The following SLC36A4 variants were observed in gnomAD, a reference collection of about 807,000 sequenced individuals.
SLC36A4 encodes neutral amino acid uniporter 4.
In SLC36A4, 49 loss-of-function variants were observed where a neutral mutation model predicts 50.5. That is an observed-to-expected ratio of 0.97 (90% confidence interval 0.77 to 1.23). The LOEUF (loss-of-function observed/expected upper bound fraction) is 1.23. Ranked by LOEUF, SLC36A4 falls within the 50% of genes most tolerant of loss-of-function variation. The pLI is 0.00. For synonymous variants in SLC36A4, 207 were observed against 206.5 expected (o/e 1.00, Z -0.02); for missense variants, 611 against 608.4 (o/e 1.00, Z -0.05).
intron 2 of SLC36A4, chr11:93,185,427 T>A (rs2056914431): frequency 3.6e-6 from 1 of 275,248 alleles, no homozygotes; most frequent in Non-Finnish European, 6.7e-6. Context: ...ATCACTTCTC[T>A]TAACATTCCT....
At chr11:93,195,895 C>T (rs1276548586) in intron 1 of SLC36A4, among the ~76,000 whole-genome samples, 2 of 152,184 alleles carry the variant, frequency 1.3e-5, no homozygotes, top group African/African-American at 4.8e-5. Context: ...AGCCCCCACC[C>T]TCATTCCTGA....
Position 93,168,167 on chromosome 11 carries a change from T to G in SLC36A4, c.545A>C (p.His182Pro). 1 of 1,595,584 alleles carries G rather than the reference T, an allele frequency of 6.3e-7. No homozygotes were observed. Among genetic ancestry groups the G allele is most frequent in the Non-Finnish European group, 8.6e-7 (1 of 1,168,844 alleles). The change falls in exon 7 of 11, where the codon CAT becomes CCT. Residue 182 changes from histidine (H) to proline (P), a missense_variant. By Grantham distance (77) the His-to-Pro change is moderately conservative (BLOSUM62 -2). Transcript: ENST00000326402. The part of the protein sequence containing the change: ...VFLAENVKQV[H>P]EGFLESKVFI... Reference sequence around the variant, plus strand: ...CACTTTACTCTCCAGGAATCCTTCATGAACCTACATAGGATTACCAGGAGA... The same window carrying G: ...CACTTTACTCTCCAGGAATCCTTCAGGAACCTACATAGGATTACCAGGAGA...
chr11:93,195,069 C>T (rs937793875), intron 1 of SLC36A4, among the ~76,000 whole-genome samples: 1 of 151,652 alleles, frequency 6.6e-6, no homozygotes, highest in East Asian at 1.9e-4. Context: ...CACAACATGA[C>T]AGCTGGCTTC....
chr11:93,150,628 A>G (rs1436255803), intron 10 of SLC36A4, among the ~76,000 whole-genome samples: 1 of 152,086 alleles, frequency 6.6e-6, no homozygotes, highest in Non-Finnish European at 1.5e-5. Context: ...AGAAATAACT[A>G]GCTCTAAAGA....
At chr11:93,189,847 G>A (rs1862140936) in intron 1 of SLC36A4, among the ~76,000 whole-genome samples, 2 of 152,064 alleles carry the variant, frequency 1.3e-5, no homozygotes, top group South Asian at 4.1e-4. Context: ...ATGTTTATTT[G>A]TAATGGCATT....
chr11:93,197,764 C>A lies in SLC36A4; in HGVS notation c.55+14G>T, dbSNP rs757840544. 1.4e-5 allele frequency: 23 copies of A among 1,589,348 alleles called. No individual in the cohort carries two copies. Among genetic ancestry groups the A allele is most frequent in the Non-Finnish European group, 2.0e-5 (23 of 1,174,470 alleles). ...CACGTCAGCCCCGGCTCCCTGCCCA[C>A]GCACAACACCGACCTAGCTCCTCGC... On this transcript the variant is annotated intron_variant, in intron 1 of 10. Coordinates refer to ENST00000326402, the MANE Select transcript of SLC36A4 (RefSeq NM_152313.4).
chr11:93,165,912 T>C lies in SLC36A4; in HGVS notation c.867+6A>G. 7 of 1,555,446 alleles carry C rather than the reference T, an allele frequency of 4.5e-6. No homozygotes were observed. The highest frequency in any genetic ancestry group is 6.1e-6 in the Non-Finnish European group (7 of 1,139,230). On this transcript the variant is annotated splice_donor_region_variant and intron_variant, in intron 8 of 10. Coordinates refer to ENST00000326402, the MANE Select transcript of SLC36A4 (RefSeq NM_152313.4). Reference sequence around the variant, plus strand: ...TAAAAAATAATAATAAAGACTAAATTCTTACCACTCCTATGCCTTCAAAAG... The same window carrying C: ...TAAAAAATAATAATAAAGACTAAATCCTTACCACTCCTATGCCTTCAAAAG...
chr11:93,190,908 T>C lies in SLC36A4; in HGVS notation c.56-5094A>G, dbSNP rs117163605. On this transcript the variant is annotated intron_variant, in intron 1 of 10. Transcript: ENST00000326402. The stretch of plus-strand genomic sequence containing the variant: ...TAGTATACAGAGAGGTAACATTACA[T>C]ACTAAAAAATGTTTATCTGTTAAAC... Among the ~76,000 whole-genome samples, 15 of 152,144 alleles carry C rather than the reference T, an allele frequency of 9.9e-5. No homozygotes were observed. In the East Asian group the frequency reaches 2.5e-3, roughly 25 times the overall value.
At chr11:93,160,950 C>T (rs960893363) in intron 9 of SLC36A4, 3 of 176,900 alleles carry the variant, frequency 1.7e-5, no homozygotes, top group African/African-American at 7.2e-5. Flanking sequence ...AAGTGATCCT[C>T]CCACTCAGCC....
At chr11:93,176,301 G>A (rs1169847865) in intron 6 of SLC36A4, among the ~76,000 whole-genome samples, 2 of 149,690 alleles carry the variant, frequency 1.3e-5, no homozygotes, top group Non-Finnish European at 3.0e-5. Flanking sequence ...CATTTGCTTG[G>A]TAGATCTTCC....
chr11:93,169,356 T>C (rs1210220847), intron 6 of SLC36A4, among the ~76,000 whole-genome samples: 2 of 152,074 alleles, frequency 1.3e-5, no homozygotes, highest in Non-Finnish European at 2.9e-5. Flanking sequence ...AACCTAAGCC[T>C]GTGACTCTAG....
In SLC36A4 at chr11:93,162,895, C is replaced by CT. The variant is rs755480809; in HGVS notation, c.868-21dup. On this transcript the variant is annotated intron_variant, in intron 8 of 10. Coordinates refer to ENST00000326402, the MANE Select transcript of SLC36A4 (RefSeq NM_152313.4). ...AAGGACCTAAGAAAAGAATACAATA[C>CT]TTTTTTTTAAGGGAATACAAGTATT... The CT allele has an allele frequency of 3.9e-5, 62 of 1,602,422 alleles. No individual in the cohort carries two copies. The South Asian group carries it at 4.7e-4, about 12-fold the overall frequency.
At position 93,181,805 on chromosome 11, in the gene SLC36A4, C is replaced by A. The variant is rs192990733; in HGVS notation, c.360-19G>T. ...TTTAAACCTGTAATTTAATGACATA[C>A]ATACAAAGGAAAAAAGAAAAATTTT... On this transcript the variant is annotated intron_variant, in intron 4 of 10. Coordinates refer to ENST00000326402, the MANE Select transcript of SLC36A4 (RefSeq NM_152313.4). 2 of 1,526,868 alleles carry A rather than the reference C, an allele frequency of 1.3e-6. No homozygotes were observed. Among genetic ancestry groups the A allele is most frequent in the South Asian group, 2.6e-5 (2 of 77,588 alleles). The allele number at this position is 1,526,868 out of a possible 1,614,324, so 94.6% of individuals were successfully genotyped here.
Position 93,177,246 on chromosome 11 carries a change from C to A in SLC36A4, c.540+3551G>T, listed in dbSNP as rs1046794431. 2.0e-5 allele frequency among the ~76,000 whole-genome samples: 3 copies of A among 152,314 alleles called. No individual in the cohort carries two copies. The South Asian group carries it at 6.2e-4, about 32-fold the overall frequency. On this transcript the variant is annotated intron_variant, in intron 6 of 10. Transcript: ENST00000326402. Reference sequence around the variant, plus strand: ...TTCTTCCACTTGATTGAATCAGCTACTGAAGCTTGTGAATGTGTCACGTAG... The same window carrying A: ...TTCTTCCACTTGATTGAATCAGCTAATGAAGCTTGTGAATGTGTCACGTAG...
At chr11:93,178,135 G>A (rs765956085) in intron 6 of SLC36A4, among the ~76,000 whole-genome samples, 29 of 151,920 alleles carry the variant, frequency 1.9e-4, no homozygotes, top group African/African-American at 6.0e-4. Flanking sequence ...CTGTGCTAGT[G>A]AGCACTGCTA....
At chr11:93,192,832 C>T (rs1263412117) in intron 1 of SLC36A4, among the ~76,000 whole-genome samples, 1 of 152,114 alleles carries the variant, frequency 6.6e-6, no homozygotes, top group Non-Finnish European at 1.5e-5. Flanking sequence ...ATCTGATTTA[C>T]ATTTTAACCA....
At chr11:93,158,802 A>G (rs1860481742) in intron 9 of SLC36A4, among the ~76,000 whole-genome samples, 1 of 152,130 alleles carries the variant, frequency 6.6e-6, no homozygotes, top group African/African-American at 2.4e-5. Context: ...TTAGAAATGA[A>G]GAACATTGAA....
chr11:93,175,641 T>A (rs1290213084), intron 6 of SLC36A4, among the ~76,000 whole-genome samples: 5 of 84,422 alleles, frequency 5.9e-5, no homozygotes, highest in Non-Finnish European at 1.5e-4. Flanking sequence ...GATTCTGGTA[T>A]GTTGTGTCTT....
At chr11:93,163,775 C>CATGT (rs71305387) in intron 8 of SLC36A4, among the ~76,000 whole-genome samples, 37,493 of 150,386 alleles carry the variant, frequency 0.25, 5,318 homozygotes, top group East Asian at 0.33. Flanking sequence ...CTAGGATTCT[C>CATGT]ATGTATGTAT....
Sources: gnomAD v4.1 joint callset for allele counts (sites outside exome capture counted in the v4.1 genomes callset) on GRCh38, gnomAD v4.1.1 for gene constraint, MANE v1.5 for transcripts, NCBI Gene and HGNC (gene_info 2026-07-23, HGNC 2026-07-21) for gene names.